The following LPGAT1 variants were observed in gnomAD, a reference collection of about 807,000 sequenced individuals.
LPGAT1 encodes the protein lysophosphatidylglycerol acyltransferase 1, also known as acyl-CoA:lysophosphatidylglycerol acyltransferase 1.
In LPGAT1, 11 loss-of-function variants were observed where a neutral mutation model predicts 47.5. The ratio of observed to expected loss-of-function variants is 0.23; its 90% CI spans 0.15 to 0.38. The LOEUF is 0.38. LPGAT1 is among the 10% of genes least tolerant of loss of function. The probability of loss-of-function intolerance (pLI) is 1.00; values close to 1 mark genes in which losing one functional copy is unlikely to be tolerated. For synonymous variants in LPGAT1, 138 were observed against 144.2 expected (o/e 0.96, Z 0.31); for missense variants, 293 against 439.0 (o/e 0.67, Z 2.97).
intron 6 of LPGAT1, among the ~76,000 whole-genome samples, chr1:211,753,971 T>C (rs1163058843): frequency 6.6e-6 from 1 of 152,190 alleles, no homozygotes; most frequent in Non-Finnish European, 1.5e-5. Context: ...AAACATCCTC[T>C]GATTTCCTGC....
At chr1:211,783,086 CT>C in intron 5 of LPGAT1, 142 bp downstream of exon 5, 1 of 758,842 alleles carries the variant, frequency 1.3e-6, no homozygotes, top group Non-Finnish European at 1.9e-6. Flanking sequence ...TAAATGGAAA[CT>C]TTTTTAAAAA....
At chr1:211,769,386 G>A (rs955497477) in intron 6 of LPGAT1, among the ~76,000 whole-genome samples, 9 of 152,074 alleles carry the variant, frequency 5.9e-5, no homozygotes, top group South Asian at 2.1e-4. Flanking sequence ...ATAATGAGAT[G>A]GTAAAGGCTA....
At chr1:211,817,890 A>G (rs1320503266) in intron 2 of LPGAT1, among the ~76,000 whole-genome samples, 1 of 152,086 alleles carries the variant, frequency 6.6e-6, no homozygotes, top group Non-Finnish European at 1.5e-5. Flanking sequence ...GCTGGAGTGC[A>G]GTGGTGCGAT....
At chr1:211,817,519 C>T (rs1202261765) in intron 2 of LPGAT1, among the ~76,000 whole-genome samples, 3 of 150,706 alleles carry the variant, frequency 2.0e-5, no homozygotes, top group African/African-American at 4.9e-5. Flanking sequence ...TGCAGTGAGC[C>T]GAGATCGCAC....
At chr1:211,787,761 T>C (rs765843283) in intron 3 of LPGAT1, 34 bp from the exon 4 acceptor site, 1 of 1,375,590 alleles carries the variant, frequency 7.3e-7, no homozygotes, top group Non-Finnish European at 1.0e-6. Flanking sequence ...TAATATTGGA[T>C]AGAAGAAACC....
At chr1:211,827,874 T>C (rs1660586679) in intron 2 of LPGAT1, among the ~76,000 whole-genome samples, 1 of 152,168 alleles carries the variant, frequency 6.6e-6, no homozygotes, top group Non-Finnish European at 1.5e-5. Context: ...ATTATGCCAC[T>C]GCCTGAAGGA....
At chr1:211,784,800 C>T (rs1002696257) in intron 4 of LPGAT1, among the ~76,000 whole-genome samples, 47 of 127,206 alleles carry the variant, frequency 3.7e-4, no homozygotes, top group South Asian at 1.9e-3. Flanking sequence ...CACAAAGGTT[C>T]TTTCTTTTTT....
At chr1:211,783,579 G>A in intron 4 of LPGAT1, 77 bp from the exon 5 acceptor site, 2 of 1,336,856 alleles carry the variant, frequency 1.5e-6, no homozygotes, top group Non-Finnish European at 2.0e-6. Context: ...AGAAATTACA[G>A]CTTCTAAATT....
intron 6 of LPGAT1, among the ~76,000 whole-genome samples, chr1:211,777,559 A>T (rs1278876363): frequency 6.6e-6 from 1 of 152,106 alleles, no homozygotes; most frequent in African/African-American, 2.4e-5. Flanking sequence ...AACTACATTA[A>T]AAAAACAAGA....
At chr1:211,808,059 T>C (rs1054881116) in intron 2 of LPGAT1, among the ~76,000 whole-genome samples, 3 of 141,130 alleles carry the variant, frequency 2.1e-5, no homozygotes, top group African/African-American at 7.5e-5. Flanking sequence ...AAAGGGTTTA[T>C]ATCCCAAGTA....
chr1:211,786,001 C>G (rs1338942631), intron 4 of LPGAT1, among the ~76,000 whole-genome samples: 1 of 152,184 alleles, frequency 6.6e-6, no homozygotes, highest in African/African-American at 2.4e-5. Flanking sequence ...AGGTAAGGTG[C>G]TCAGCTAGCT....
At chr1:211,780,838 A>G (rs1422030137) in intron 5 of LPGAT1, among the ~76,000 whole-genome samples, 1 of 152,190 alleles carries the variant, frequency 6.6e-6, no homozygotes, top group Admixed American at 6.6e-5. Flanking sequence ...TGAAGAGATA[A>G]TCTAGTTAGT....
Position 211,830,293 on chromosome 1 carries a change from G to C in LPGAT1, c.-28+280C>G. ...GCCCAAGCGGCCCGAGGCGCTGCGC[G>C]AGCGGGCGCGCTGGCGCCCTACTCC... On this transcript the variant is annotated intron_variant, in intron 1 of 7. Coordinates refer to ENST00000366997, the MANE Select transcript of LPGAT1 (RefSeq NM_014873.3). The surrounding 1 kb of genome is among the most constrained non-coding windows in gnomAD (Gnocchi z 5.9). 9.5e-7 allele frequency: 1 copy of C among 1,054,078 alleles called. No homozygotes were observed. Among genetic ancestry groups the C allele is most frequent in the East Asian group, 6.8e-5 (1 of 14,746 alleles). The allele number at this position is 1,054,078 out of a possible 1,614,324, so 65.3% of individuals were successfully genotyped here. A position where few individuals can be genotyped will look rare whatever the true frequency, so the allele number is the denominator to read the frequency against.
chr1:211,789,274 T>C (rs1486380352), intron 3 of LPGAT1, among the ~76,000 whole-genome samples: 1 of 152,212 alleles, frequency 6.6e-6, no homozygotes, highest in Non-Finnish European at 1.5e-5. Flanking sequence ...TTAGATACAT[T>C]AAGAAGTGTA....
intron 2 of LPGAT1, among the ~76,000 whole-genome samples, chr1:211,808,854 TTCTTCCATTTACTA>T (rs1326556770): frequency 6.6e-6 from 1 of 152,270 alleles, no homozygotes; most frequent in East Asian, 1.9e-4. Context: ...CGTGTTTATT[TTCTTCCATTTACTA>T]TCTAACAACC....
intron 2 of LPGAT1, among the ~76,000 whole-genome samples, chr1:211,824,883 C>A (rs1001715180): frequency 6.6e-6 from 1 of 152,080 alleles, no homozygotes; most frequent in Non-Finnish European, 1.5e-5. Flanking sequence ...ATGTATCCCT[C>A]CCCGAAAAGC....
At chr1:211,779,598 C>T (rs1336761838) in intron 5 of LPGAT1, among the ~76,000 whole-genome samples, 2 of 152,116 alleles carry the variant, frequency 1.3e-5, no homozygotes, top group Non-Finnish European at 2.9e-5. Flanking sequence ...CGCCTATAAT[C>T]CCAGAACTTT....
chr1:211,830,019 G>A lies in LPGAT1; in HGVS notation c.-28+554C>T, dbSNP rs1660674538. ...GAAAGAGGTAAAAGCCAAGGAACTG[G>A]GGATGAAGAGAATGAGATTTCCGAC... On this transcript the variant is annotated intron_variant, in intron 1 of 7. Transcript: ENST00000366997. This position sits in a 1 kb window ranked among gnomAD's most constrained non-coding sequence, Gnocchi z 5.9. 6 of 985,760 alleles carry A rather than the reference G, an allele frequency of 6.1e-6. No individual in the cohort carries two copies. In the South Asian group the frequency reaches 2.3e-4, roughly 39 times the overall value. The allele number at this position is 985,760 out of a possible 1,614,324, so 61.1% of individuals were successfully genotyped here.
At chr1:211,823,375 AATTATT>A (rs1219507648) in intron 2 of LPGAT1, among the ~76,000 whole-genome samples, 1 of 152,166 alleles carries the variant, frequency 6.6e-6, no homozygotes, top group African/African-American at 2.4e-5. Flanking sequence ...AATGAATTAT[AATTATT>A]AAGAATTCAA....
Sources: gnomAD v4.1 joint callset for allele counts (sites outside exome capture counted in the v4.1 genomes callset) on GRCh38, gnomAD v4.1.1 for gene constraint, Gnocchi (gnomAD v3.1) non-coding constraint, MANE v1.5 for transcripts, NCBI Gene and HGNC (gene_info 2026-07-23, HGNC 2026-07-21) for gene names.